Variants in PSD3 observed in about 807,000 individuals in gnomAD.
The protein encoded by PSD3 is pleckstrin and Sec7 domain containing 3, also known as PH and SEC7 domain-containing protein 3.
A neutral mutation model predicts 105.5 loss-of-function variants in PSD3; 49 were observed. The ratio of observed to expected loss-of-function variants is 0.46; its 90% confidence interval spans 0.37 to 0.59. PSD3 has a LOEUF of 0.59. Ranked by LOEUF, PSD3 falls within the 20% of genes least tolerant of loss-of-function variation. The pLI is 0.00. For missense variants in PSD3, 1,561 were observed against 1,263.8 expected, an observed-to-expected ratio of 1.24 and a Z score of -3.57; for synonymous variants, 557 against 457.8, an observed-to-expected ratio of 1.22 and a Z score of -2.77.
Position 18,534,647 on chromosome 8 carries a change from A to G in PSD3, c.*1096T>C, listed in dbSNP as rs1799760678. On this transcript the variant is annotated 3_prime_UTR_variant, in exon 16 of 16. Coordinates refer to ENST00000327040, the MANE Select transcript of PSD3 (RefSeq NM_015310.4). The stretch of plus-strand genomic sequence containing the variant: ...TTCATTCTGACTACTACTTTCAGAT[A>G]TATTTTAAAGAACCAATATCCATCG... 1 of 152,188 alleles carries G rather than the reference A, an allele frequency of 6.6e-6. No homozygotes were observed. Among genetic ancestry groups the G allele is most frequent in the South Asian group, 2.1e-4 (1 of 4,834 alleles). The allele number at this position is 152,188 out of a possible 1,614,324, so 9.4% of individuals were successfully genotyped here.
chr8:18,854,166 C>T (rs763441381), intron 4 of PSD3: 4 of 152,518 alleles, frequency 2.6e-5, no homozygotes, highest in Non-Finnish European at 5.9e-5. Context: ...TCCATCTGCT[C>T]AGCAAACTTT....
At chr8:18,582,420 C>G (rs555186470) in intron 12 of PSD3, among the ~76,000 whole-genome samples, 1 of 152,160 alleles carries the variant, frequency 6.6e-6, no homozygotes, top group Non-Finnish European at 1.5e-5. Flanking sequence ...TTCTTCCTAG[C>G]TGTCTGGCCA....
At chr8:18,912,102 C>T (rs975786362) in intron 2 of PSD3, among the ~76,000 whole-genome samples, 2 of 152,146 alleles carry the variant, frequency 1.3e-5, no homozygotes, top group Non-Finnish European at 2.9e-5. Flanking sequence ...TTCTTGTTAA[C>T]ACATCTTGTC....
chr8:18,887,371 G>A (rs1334267525), intron 2 of PSD3, among the ~76,000 whole-genome samples: 1 of 152,142 alleles, frequency 6.6e-6, no homozygotes, highest in Non-Finnish European at 1.5e-5. Flanking sequence ...TTTAATGGGT[G>A]ATTGCTGTTA....
At chr8:18,915,847 C>A (rs950924802) in intron 2 of PSD3, among the ~76,000 whole-genome samples, 4 of 152,110 alleles carry the variant, frequency 2.6e-5, no homozygotes, top group African/African-American at 7.2e-5. Flanking sequence ...CTAATCCCAG[C>A]ACTTTGGGAG....
chr8:18,661,986 T>C (rs1194814463), intron 9 of PSD3, among the ~76,000 whole-genome samples: 1 of 149,534 alleles, frequency 6.7e-6, no homozygotes, highest in Non-Finnish European at 1.5e-5. Flanking sequence ...TAGAACATGC[T>C]TGAATTTTTT....
rs556050684 is a variant in PSD3 at position 18,574,509 on chromosome 8, T to A, written c.2639+619A>T. 2.0e-5 allele frequency among the ~76,000 whole-genome samples: 3 copies of A among 152,298 alleles called. No individual in the cohort carries two copies. In the South Asian group the frequency reaches 6.2e-4, roughly 32 times the overall value. ...AAACCCCGGGCAACTTGTTTCCTTA[T>A]AACCTCCCCCTAAAACTGGCAATTC... On this transcript the variant is annotated intron_variant, in intron 13 of 15. Coordinates refer to ENST00000327040, the MANE Select transcript of PSD3 (RefSeq NM_015310.4).
At chr8:19,017,595 C>A (rs1016398887), upstream of PSD3, among the ~76,000 whole-genome samples, 1 of 152,194 alleles carries the variant, frequency 6.6e-6, no homozygotes, top group African/African-American at 2.4e-5. Flanking sequence ...CTGGCAAACA[C>A]TAATTTACTT....
At chr8:18,693,191 A>T (rs949624187) in intron 9 of PSD3, among the ~76,000 whole-genome samples, 1 of 152,286 alleles carries the variant, frequency 6.6e-6, no homozygotes, top group South Asian at 2.1e-4. Context: ...ATGAGTAGGG[A>T]TTCTATGAAT....
intron 11 of PSD3, among the ~76,000 whole-genome samples, chr8:18,613,421 G>C (rs532882493): frequency 6.6e-6 from 1 of 152,168 alleles, no homozygotes; most frequent in South Asian, 2.1e-4. Context: ...CTGTTAGCAG[G>C]ACTCTTATCT....
chr8:18,966,530 C>G (rs1282329205), intron 1 of PSD3, among the ~76,000 whole-genome samples: 1 of 150,926 alleles, frequency 6.6e-6, no homozygotes, highest in Non-Finnish European at 1.5e-5. Context: ...GAGATTGCAC[C>G]ACTGAACTCC....
chr8:18,910,637 TAAAAA>T (rs34392783), intron 2 of PSD3, among the ~76,000 whole-genome samples: 5,710 of 97,208 alleles, frequency 0.059, 90 homozygotes, highest in Middle Eastern at 0.11. Flanking sequence ...TAGAGTATAA[TAAAAA>T]AAAAAAAAAA....
intron 1 of PSD3, among the ~76,000 whole-genome samples, chr8:18,962,101 C>T (rs187204739): frequency 1.1e-4 from 17 of 152,176 alleles, no homozygotes; most frequent in East Asian, 7.7e-4. Flanking sequence ...CAAAAATTAG[C>T]CGGGCCTGGT....
chr8:18,683,569 A>G (rs1800498393), intron 9 of PSD3, among the ~76,000 whole-genome samples: 1 of 152,194 alleles, frequency 6.6e-6, no homozygotes, highest in South Asian at 2.1e-4. Flanking sequence ...GGCTCTTTAC[A>G]AAACTGACCC....
In PSD3 at chr8:18,527,318, G is replaced by C. The variant is rs1403158439; in HGVS notation, c.*8425C>G. ...TTCCCTCAAATGATTGAAATTTGTT[G>C]GATTTATTTCTTTCTAAAGTTTGTA... On this transcript the variant is annotated 3_prime_UTR_variant, in exon 16 of 16. Transcript: ENST00000327040. 6.6e-6 allele frequency: 1 copy of C among 152,360 alleles called. No individual in the cohort carries two copies. The highest frequency in any genetic ancestry group is 1.5e-5 in the Non-Finnish European group (1 of 67,966). The allele number at this position is 152,360 out of a possible 1,614,324, so 9.4% of individuals were successfully genotyped here.
At chr8:19,055,394 C>A (rs1282651599) in intron 1 of PSD3, among the ~76,000 whole-genome samples, 1 of 152,072 alleles carries the variant, frequency 6.6e-6, no homozygotes, top group South Asian at 2.1e-4. Flanking sequence ...GCTGGGGTTA[C>A]AGGCGCCCGC....
intron 9 of PSD3, among the ~76,000 whole-genome samples, chr8:18,689,539 G>C (rs1192958922): frequency 6.6e-6 from 1 of 152,218 alleles, no homozygotes; most frequent in East Asian, 1.9e-4. Flanking sequence ...GGAGGGAAGA[G>C]AGGCATGAGG....
At chr8:18,876,794 A>G (rs932282527) in intron 2 of PSD3, among the ~76,000 whole-genome samples, 9 of 152,180 alleles carry the variant, frequency 5.9e-5, no homozygotes, top group Admixed American at 3.3e-4. Context: ...AAACTGCTGA[A>G]CAGTTTTCCA....
intron 10 of PSD3, among the ~76,000 whole-genome samples, chr8:18,651,433 G>C (rs1020364158): frequency 1.3e-5 from 2 of 152,170 alleles, no homozygotes; most frequent in Non-Finnish European, 2.9e-5. Flanking sequence ...CACCTTTCCT[G>C]TAACTATTTT....
Sources: gnomAD v4.1 joint callset for allele counts (sites outside exome capture counted in the v4.1 genomes callset) on GRCh38, gnomAD v4.1.1 for gene constraint, MANE v1.5 for transcripts, NCBI Gene and HGNC (gene_info 2026-07-23, HGNC 2026-07-21) for gene names.